CTNNA2: variants seen among roughly 807,000 people sequenced by gnomAD.
The protein encoded by CTNNA2 is catenin alpha 2, also known as catenin alpha-2.
A neutral mutation model predicts 101.0 loss-of-function variants in CTNNA2; 42 were observed. The observed-to-expected ratio is 0.42, with a 90% CI of 0.32 to 0.54. CTNNA2 has a LOEUF of 0.54. CTNNA2 is among the 20% of genes least tolerant of loss of function. CTNNA2 has a pLI of 0.14. For synonymous variants in CTNNA2, 450 were observed against 456.4 expected, an observed-to-expected ratio of 0.99 and a Z score of 0.18; for missense variants, 871 against 1,223.1, an observed-to-expected ratio of 0.71 and a Z score of 4.29.
intron 3 of CTNNA2, among the ~76,000 whole-genome samples, chr2:79,825,467 A>G (rs752761504): frequency 2.1e-4 from 30 of 145,048 alleles, no homozygotes; most frequent in Middle Eastern, 3.6e-3. Context: ...TTGCGAGGGG[A>G]AAAAAAAATG....
At position 80,547,690 on chromosome 2, in the gene CTNNA2, C is replaced by CTTT. The variant is rs61186189; in HGVS notation, c.1540+1641_1540+1643dup. Among the ~76,000 whole-genome samples the CTTT allele has an allele frequency of 2.4e-5, 3 of 124,312 alleles. 1 individual carries two copies. Among genetic ancestry groups the CTTT allele is most frequent in the Non-Finnish European group, 4.8e-5 (3 of 62,780 alleles). The allele number at this position is 124,312 out of a possible 152,430, so 81.6% of individuals were successfully genotyped here. A position where few individuals can be genotyped will look rare whatever the true frequency, so the allele number is the denominator to read the frequency against. On this transcript the variant is annotated intron_variant, in intron 11 of 18. Coordinates refer to ENST00000402739, the MANE Select transcript of CTNNA2 (RefSeq NM_001282597.3). ...AGAACTCAATATATTGTCACTTCTG[C>CTTT]TTTTTTTTTTTTTTTTGAGATGGAG...
intron 7 of CTNNA2, among the ~76,000 whole-genome samples, chr2:80,225,373 A>T (rs557957762): frequency 5.9e-5 from 9 of 152,296 alleles, no homozygotes; most frequent in Non-Finnish European, 1.2e-4. Context: ...CTGCTTTGGG[A>T]TTCAGAACTT....
At chr2:79,716,912 G>A (rs1159152563) in intron 2 of CTNNA2, among the ~76,000 whole-genome samples, 1 of 152,200 alleles carries the variant, frequency 6.6e-6, no homozygotes, top group Non-Finnish European at 1.5e-5. Context: ...GACACTGAAA[G>A]TGGTTGGAAA....
At chr2:79,532,259 A>G (rs1340328322) in intron 1 of CTNNA2, among the ~76,000 whole-genome samples, 1 of 152,116 alleles carries the variant, frequency 6.6e-6, no homozygotes, top group Admixed American at 6.6e-5. Context: ...CTCTGTCCCT[A>G]GAAAGTAATT....
rs182049720 is a variant in CTNNA2 at position 80,261,588 on chromosome 2, C to T, written c.1057-131623C>T. Among the ~76,000 whole-genome samples the T allele has an allele frequency of 3.0e-3, 454 of 152,162 alleles. 2 individuals are homozygous for T. The highest frequency in any genetic ancestry group is 0.01 in the African/African-American group (428 of 41,508). On this transcript the variant is annotated intron_variant, in intron 7 of 18. Transcript: ENST00000402739. Reference sequence around the variant, plus strand: ...CTGAAATGGGACCCCGTAGGGTCCACGTGGTTGGGGACTTTCACTACCAAT... The same window carrying T: ...CTGAAATGGGACCCCGTAGGGTCCATGTGGTTGGGGACTTTCACTACCAAT...
intron 9 of CTNNA2, among the ~76,000 whole-genome samples, chr2:80,432,234 G>T (rs898051627): frequency 1.3e-5 from 2 of 151,938 alleles, no homozygotes; most frequent in African/African-American, 4.8e-5. Flanking sequence ...GTCCCTCAAA[G>T]CCACTCCAGT....
At chr2:79,677,984 C>T (rs1683299267) in intron 2 of CTNNA2, among the ~76,000 whole-genome samples, 1 of 152,154 alleles carries the variant, frequency 6.6e-6, no homozygotes, top group Admixed American at 6.5e-5. Flanking sequence ...TGACCTAGTA[C>T]TTGGTTCATA....
At chr2:80,516,726 C>T (rs1689142588) in intron 9 of CTNNA2, among the ~76,000 whole-genome samples, 1 of 152,196 alleles carries the variant, frequency 6.6e-6, no homozygotes, top group Non-Finnish European at 1.5e-5. Context: ...TTAGTTCTCT[C>T]TGTAGTCTTT....
chr2:79,818,218 T>C (rs1361712520), intron 3 of CTNNA2, among the ~76,000 whole-genome samples: 3 of 152,228 alleles, frequency 2.0e-5, no homozygotes, highest in African/African-American at 7.2e-5. Flanking sequence ...TATTATTCAT[T>C]TTTCATAATT....
chr2:80,641,268 C>T, intron 18 of CTNNA2, among the ~76,000 whole-genome samples: 1 of 152,156 alleles, frequency 6.6e-6, no homozygotes, highest in East Asian at 1.9e-4. Context: ...AGCCAGCGGT[C>T]CCATGACATT....
chr2:80,201,256 C>T (rs1468059869), intron 7 of CTNNA2, among the ~76,000 whole-genome samples: 1 of 151,238 alleles, frequency 6.6e-6, no homozygotes, highest in Non-Finnish European at 1.5e-5. Flanking sequence ...GTATAACTCA[C>T]AGATAAGGAG....
At chr2:80,480,889 T>A (rs569671021) in intron 9 of CTNNA2, among the ~76,000 whole-genome samples, 11 of 152,184 alleles carry the variant, frequency 7.2e-5, no homozygotes, top group Non-Finnish European at 1.5e-4. Context: ...ATAAGATAGT[T>A]GCGATAAATA....
At chr2:80,641,264 C>T (rs746986061) in intron 18 of CTNNA2, among the ~76,000 whole-genome samples, 8 of 152,236 alleles carry the variant, frequency 5.3e-5, no homozygotes, top group Non-Finnish European at 1.0e-4. Context: ...GCTTAGCCAG[C>T]GGTCCCATGA....
rs1281321606 is a variant in CTNNA2, at chr2:80,386,789, C to A, written c.1057-6422C>A. 3.9e-5 allele frequency among the ~76,000 whole-genome samples: 6 copies of A among 152,290 alleles called. No homozygotes were observed. In the South Asian group the frequency reaches 1.2e-3, roughly 32 times the overall value. ...CATGATATTTTGAAGATTCCTTATA[C>A]ATTCAGTCATGTCTGCAGGTCCCTT... On this transcript the variant is annotated intron_variant, in intron 7 of 18. Transcript: ENST00000402739.
At chr2:80,126,622 C>CTTTCCTT (rs1702135914) in intron 7 of CTNNA2, among the ~76,000 whole-genome samples, 2 of 54,206 alleles carry the variant, frequency 3.7e-5, no homozygotes, top group African/African-American at 2.0e-4. Context: ...CTCCCTCCCT[C>CTTTCCTT]CCTCCCTCCC....
In CTNNA2 at chr2:80,230,958, G is replaced by GTTTGTTTTGTTTTGTTTTGTTTTGT. The variant is rs111940943; in HGVS notation, c.1057-162249_1057-162225dup. On this transcript the variant is annotated intron_variant, in intron 7 of 18. Coordinates refer to ENST00000402739, the MANE Select transcript of CTNNA2 (RefSeq NM_001282597.3). ...GACGTAGAATGATTGTGTTCCTGGT[G>GTTTGTTTTGTTTTGTTTTGTTTTGT]TTTGTTTTGTTTTGTTTTGTTTTGT... Among the ~76,000 whole-genome samples, 163 of 151,356 alleles carry GTTTGTTTTGTTTTGTTTTGTTTTGT rather than the reference G, an allele frequency of 1.1e-3. 1 individual carries two copies. Among genetic ancestry groups the GTTTGTTTTGTTTTGTTTTGTTTTGT allele is most frequent in the African/African-American group, 3.7e-3 (153 of 40,944 alleles).
chr2:80,423,475 A>G (rs1399750463), intron 9 of CTNNA2, among the ~76,000 whole-genome samples: 1 of 152,120 alleles, frequency 6.6e-6, no homozygotes, highest in East Asian at 1.9e-4. Context: ...AGGGACTCCA[A>G]TTCTCTAGTA....
chr2:79,443,943 G>GCTCTCTCTCTCTCTCTCTCTCT (rs1573168879), intron 4 of CTNNA2, among the ~76,000 whole-genome samples: 1 of 119,440 alleles, frequency 8.4e-6, no homozygotes. Context: ...TCTCTCTCTG[G>GCTCTCTCTCTCTCTCTCTCTCT]CCTTCTCACA....
chr2:79,856,252 C>T (rs191272049), intron 3 of CTNNA2, among the ~76,000 whole-genome samples: 25 of 152,272 alleles, frequency 1.6e-4, no homozygotes, highest in Non-Finnish European at 2.9e-4. Flanking sequence ...CCCACATTCC[C>T]GAGTATAAAA....
Sources: gnomAD v4.1 joint callset for allele counts (sites outside exome capture counted in the v4.1 genomes callset) on GRCh38, gnomAD v4.1.1 for gene constraint, MANE v1.5 for transcripts, NCBI Gene and HGNC (gene_info 2026-07-23, HGNC 2026-07-21) for gene names.